Variants in UBE2D3 observed in about 807,000 individuals in gnomAD.
UBE2D3 encodes ubiquitin conjugating enzyme E2 D3.
In UBE2D3, 2 loss-of-function variants were observed where a neutral mutation model predicts 22.8. That is an observed-to-expected ratio of 0.09 (90% CI 0.04 to 0.28). The LOEUF (loss-of-function observed/expected upper bound fraction) is 0.28. UBE2D3 is among the 10% of genes least tolerant of loss of function. The pLI is 1.00. For missense variants in UBE2D3, 27 were observed against 182.5 expected, an observed-to-expected ratio of 0.15 and a Z score of 4.91; for synonymous variants, 56 against 60.4, an observed-to-expected ratio of 0.93 and a Z score of 0.34.
At chr4:102,828,497 G>A (rs17033351), upstream of UBE2D3, among the ~76,000 whole-genome samples, 2,519 of 152,326 alleles carry the variant, frequency 0.017, 67 homozygotes, top group African/African-American at 0.055. Flanking sequence ...GCAGGGAGCA[G>A]GCTGAGTCAA....
At position 102,826,476 on chromosome 4, in the gene UBE2D3, G is replaced by A. The variant is rs745893148; in HGVS notation, c.24+9C>T. ...CCTACCACCCCATGCCCTTGTCCCC[G>A]CGGGTTACCTTATTAATCCGTTTCA... On this transcript the variant is annotated intron_variant, in intron 2 of 7. Coordinates refer to ENST00000453744, the MANE Select transcript of UBE2D3 (RefSeq NM_181891.3). 13 of 1,613,118 alleles carry A rather than the reference G, an allele frequency of 8.1e-6. No homozygotes were observed. Among genetic ancestry groups the A allele is most frequent in the East Asian group, 2.2e-5 (1 of 44,840 alleles).
chr4:102,828,161 A>G (rs1455492567), upstream of UBE2D3: 1 of 985,434 alleles, frequency 1.0e-6, no homozygotes, highest in African/African-American at 1.7e-5. Context: ...GGTGGTTGGT[A>G]GAGGAAATGG....
At chr4:102,815,304 T>C (rs1728639244) in intron 2 of UBE2D3, among the ~76,000 whole-genome samples, 1 of 152,154 alleles carries the variant, frequency 6.6e-6, no homozygotes. Context: ...CCTCCCAAAG[T>C]GCTGGGATTA....
intron 1 of UBE2D3, among the ~76,000 whole-genome samples, chr4:102,833,768 G>A (rs2110347572): frequency 6.6e-6 from 1 of 152,248 alleles, no homozygotes; most frequent in Admixed American, 6.5e-5. Context: ...TGGATCTCAG[G>A]ACATAATTTC....
chr4:102,815,051 C>CT (rs373719376), intron 2 of UBE2D3, among the ~76,000 whole-genome samples: 9 of 151,580 alleles, frequency 5.9e-5, no homozygotes, highest in East Asian at 3.9e-4. Context: ...GCGTAATTTT[C>CT]TTTTTTTTGG....
At chr4:102,797,728 C>G (rs1715590020) in intron 7 of UBE2D3, among the ~76,000 whole-genome samples, 1 of 151,670 alleles carries the variant, frequency 6.6e-6, no homozygotes, top group African/African-American at 2.4e-5. Context: ...ATCAAAAGAC[C>G]CTTTCTTTCT....
At chr4:102,811,803 G>C (rs1038646794) in intron 2 of UBE2D3, 2 of 442,404 alleles carry the variant, frequency 4.5e-6, no homozygotes, top group African/African-American at 4.1e-5. Flanking sequence ...GACAGCTTGA[G>C]CGCAGGAGTT....
rs114640993 is a variant in UBE2D3, at chr4:102,824,389, T to G, written c.24+2096A>C. Reference sequence around the variant, plus strand: ...GAGCCTGTTCAAATTTGCACATTAATCCATTTAATCGTCAAAACAAATCTA... The same window carrying G: ...GAGCCTGTTCAAATTTGCACATTAAGCCATTTAATCGTCAAAACAAATCTA... On this transcript the variant is annotated intron_variant, in intron 2 of 7. Coordinates refer to ENST00000453744, the MANE Select transcript of UBE2D3 (RefSeq NM_181891.3). Among the ~76,000 whole-genome samples the G allele has an allele frequency of 8.8e-3, 1,337 of 152,340 alleles. 12 individuals carry two copies. Among genetic ancestry groups the G allele is most frequent in the African/African-American group, 0.029 (1,222 of 41,574 alleles).
At chr4:102,851,536 C>A (rs72933521) in intron 1 of UBE2D3, among the ~76,000 whole-genome samples, 306 of 152,342 alleles carry the variant, frequency 2.0e-3, no homozygotes, top group African/African-American at 7.1e-3. Flanking sequence ...TTGTAGGAAA[C>A]AGAGTCCCTT....
chr4:102,827,650 G>A (rs1043722550), upstream of UBE2D3: 14 of 986,232 alleles, frequency 1.4e-5, no homozygotes, highest in African/African-American at 3.5e-5. Flanking sequence ...AGACCGATGT[G>A]AGGCCGAAGC....
At chr4:102,826,924 C>A in intron 1 of UBE2D3, 1 of 1,013,904 alleles carries the variant, frequency 9.9e-7, no homozygotes, top group Non-Finnish European at 1.2e-6. Flanking sequence ...CGGAGCCCAG[C>A]AGAGGAGGAG....
rs1730750018 is a variant in UBE2D3, at chr4:102,827,426, C to T, written c.-129+1G>A. 1 of 985,944 alleles carries T rather than the reference C, an allele frequency of 1.0e-6. No individual in the cohort carries two copies. Among genetic ancestry groups the T allele is most frequent in the Non-Finnish European group, 1.2e-6 (1 of 830,084 alleles). 61.1% of individuals were successfully genotyped at this position (985,944 alleles called of 1,614,324 possible). ...CCCTAGCCGTCCACACCCACGCGTA[C>T]AGAGGGGCCGGGGCCTCCCTCAAGC... On this transcript the variant is annotated splice_donor_variant, in intron 1 of 7. Transcript: ENST00000453744. LOFTEE classifies it low-confidence loss of function (5UTR_SPLICE).
chr4:102,863,501 T>G (rs564173713), intron 1 of UBE2D3, among the ~76,000 whole-genome samples: 1 of 152,092 alleles, frequency 6.6e-6, no homozygotes, highest in African/African-American at 2.4e-5. Context: ...GGATCAAATT[T>G]CTTTTTCTTT....
intron 4 of UBE2D3, among the ~76,000 whole-genome samples, chr4:102,806,966 G>A (rs1024563629): frequency 1.3e-5 from 2 of 152,088 alleles, no homozygotes; most frequent in African/African-American, 4.8e-5. Context: ...CAGTACATAT[G>A]ATTATTAAAG....
intron 1 of UBE2D3, chr4:102,868,595 G>A: frequency 7.8e-7 from 1 of 1,286,600 alleles, no homozygotes; most frequent in Non-Finnish European, 1.1e-6. Flanking sequence ...ATTAGGCACT[G>A]GGGTCTGGGT....
intron 1 of UBE2D3, chr4:102,843,958 G>C (rs1731905794): frequency 6.6e-6 from 1 of 152,250 alleles, no homozygotes; most frequent in Admixed American, 6.6e-5. Context: ...CCTTAGAATG[G>C]GGGTGGGGGG....
intron 2 of UBE2D3, among the ~76,000 whole-genome samples, chr4:102,823,842 T>C (rs1308386433): frequency 6.6e-6 from 1 of 152,196 alleles, no homozygotes; most frequent in Non-Finnish European, 1.5e-5. Context: ...TTAAAACTAT[T>C]CCAATAATCA....
intron 1 of UBE2D3, among the ~76,000 whole-genome samples, chr4:102,851,684 T>G (rs1578294176): frequency 7.4e-6 from 1 of 134,798 alleles, no homozygotes; most frequent in Non-Finnish European, 1.6e-5. Context: ...TTTTTTTTTT[T>G]GAGACGGAGT....
chr4:102,807,485 C>T (rs952008943), intron 4 of UBE2D3, among the ~76,000 whole-genome samples: 2 of 152,150 alleles, frequency 1.3e-5, no homozygotes, highest in Admixed American at 6.6e-5. Context: ...TGAGAACTAA[C>T]CTTTTTAACT....
Sources: gnomAD v4.1 joint callset for allele counts (sites outside exome capture counted in the v4.1 genomes callset) on GRCh38, gnomAD v4.1.1 for gene constraint, MANE v1.5 for transcripts, NCBI Gene and HGNC (gene_info 2026-07-23, HGNC 2026-07-21) for gene names.